RBFOX1: variants seen among roughly 807,000 people sequenced by gnomAD.
RBFOX1 encodes RNA binding protein fox-1 homolog 1.
A neutral mutation model predicts 57.7 loss-of-function variants in RBFOX1; 8 were observed. The observed-to-expected ratio is 0.14, with a 90% CI of 0.08 to 0.25. The LOEUF is 0.25. RBFOX1 is among the 10% of genes least tolerant of loss of function. RBFOX1 has a pLI of 1.00. For missense variants in RBFOX1, 611 were observed against 548.5 expected (o/e 1.11, Z -1.14); for synonymous variants, 326 against 222.4 (o/e 1.47, Z -4.15).
At position 6,767,471 on chromosome 16, in the gene RBFOX1, C is replaced by A. The variant is rs75945749; in HGVS notation, c.-16+112821C>A. ...TCCTGAGGTTTTTCACTTATGTGAA[C>A]GAATACATTTCTTTTTTTGCTTAAG... On this transcript the variant is annotated intron_variant, in intron 3 of 15. Coordinates refer to ENST00000550418, the MANE Select transcript of RBFOX1 (RefSeq NM_018723.4). Among the ~76,000 whole-genome samples the A allele has an allele frequency of 4.6e-3, 708 of 152,258 alleles. 5 individuals are homozygous for A. Among genetic ancestry groups the A allele is most frequent in the African/African-American group, 0.016 (680 of 41,546 alleles).
chr16:6,564,298 T>C (rs2097224563), intron 2 of RBFOX1, among the ~76,000 whole-genome samples: 1 of 152,110 alleles, frequency 6.6e-6, no homozygotes, highest in Non-Finnish European at 1.5e-5. Flanking sequence ...TGTGGCAGTA[T>C]TGGCTGGGCT....
intron 4 of RBFOX1, among the ~76,000 whole-genome samples, chr16:7,137,640 G>A (rs2072407050): frequency 6.6e-6 from 1 of 152,124 alleles, no homozygotes; most frequent in Non-Finnish European, 1.5e-5. Context: ...TAATACAAAA[G>A]GAAACTTAGA....
At chr16:6,889,645 C>T (rs2064958677) in intron 3 of RBFOX1, among the ~76,000 whole-genome samples, 1 of 152,118 alleles carries the variant, frequency 6.6e-6, no homozygotes, top group African/African-American at 2.4e-5. Flanking sequence ...GTAAGCCCAT[C>T]CTCAATCCAC....
At chr16:5,980,867 C>T (rs1567216537) in intron 4 of RBFOX1, among the ~76,000 whole-genome samples, 1 of 151,812 alleles carries the variant, frequency 6.6e-6, no homozygotes, top group Non-Finnish European at 1.5e-5. Context: ...GTCGTCCTGC[C>T]ATTTCACATG....
chr16:6,019,714 G>A lies in RBFOX1; in HGVS notation c.-405G>A, dbSNP rs114556800. The A allele has an allele frequency of 3.6e-6, 5 of 1,372,830 alleles. No individual in the cohort carries two copies. Among genetic ancestry groups the A allele is most frequent in the Non-Finnish European group, 4.7e-6 (5 of 1,063,322 alleles). The allele number at this position is 1,372,830 out of a possible 1,614,324, so 85.0% of individuals were successfully genotyped here. ...CTTCTTGCCCAGGCAGAGAGAGCAG[G>A]AGCGGACCGCGCGCCCGGGATTGAG... is the stretch of plus-strand genomic sequence containing the variant. On this transcript the variant is annotated 5_prime_UTR_variant, in exon 1 of 16. Coordinates refer to ENST00000550418, the MANE Select transcript of RBFOX1 (RefSeq NM_018723.4). The surrounding 1 kb of genome is among the most constrained non-coding windows in gnomAD (Gnocchi z 4.2).
chr16:7,102,289 A>G (rs906306015), intron 4 of RBFOX1, among the ~76,000 whole-genome samples: 2 of 152,208 alleles, frequency 1.3e-5, no homozygotes, highest in South Asian at 2.1e-4. Context: ...TTCTTTGTCT[A>G]TCCATAGACT....
At chr16:5,723,949 A>T (rs544812457) in intron 3 of RBFOX1, among the ~76,000 whole-genome samples, 3 of 152,280 alleles carry the variant, frequency 2.0e-5, no homozygotes, top group African/African-American at 7.2e-5. Flanking sequence ...TAAAAAACAG[A>T]CTCGGCTTTG....
chr16:7,271,210 C>T (rs1230093981), intron 4 of RBFOX1, among the ~76,000 whole-genome samples: 2 of 152,118 alleles, frequency 1.3e-5, no homozygotes, highest in African/African-American at 2.4e-5. Flanking sequence ...CTTGAGCATT[C>T]TGTCCCATGC....
intron 4 of RBFOX1, among the ~76,000 whole-genome samples, chr16:7,480,567 C>T (rs78937701): frequency 0.027 from 4,183 of 152,304 alleles, 172 homozygotes; most frequent in African/African-American, 0.094. Context: ...CAAGCCCTGT[C>T]TCCATCACCT....
intron 1 of RBFOX1, among the ~76,000 whole-genome samples, chr16:6,035,155 C>T (rs1009233348): frequency 1.8e-4 from 28 of 152,180 alleles, no homozygotes; most frequent in Admixed American, 3.9e-4. Flanking sequence ...AAGACGTCTC[C>T]AGATTTTGCC....
intron 4 of RBFOX1, among the ~76,000 whole-genome samples, chr16:7,218,853 C>T (rs1348308950): frequency 2.6e-5 from 4 of 152,008 alleles, no homozygotes; most frequent in African/African-American, 9.7e-5. Flanking sequence ...GGTGGACTTG[C>T]ACCTGACTCA....
intron 1 of RBFOX1, among the ~76,000 whole-genome samples, chr16:5,331,101 G>A (rs2064742608): frequency 6.6e-6 from 1 of 152,108 alleles, no homozygotes; most frequent in Non-Finnish European, 1.5e-5. Flanking sequence ...AGAGAGGGAG[G>A]TAAACCCACA....
intron 4 of RBFOX1, among the ~76,000 whole-genome samples, chr16:5,969,406 G>A (rs1246862203): frequency 1.4e-5 from 2 of 148,010 alleles, no homozygotes; most frequent in African/African-American, 5.0e-5. Flanking sequence ...CTGCCTTCTG[G>A]GTTCAAGCGA....
At chr16:7,388,701 T>A (rs1211938420) in intron 4 of RBFOX1, among the ~76,000 whole-genome samples, 1 of 151,464 alleles carries the variant, frequency 6.6e-6, no homozygotes, top group African/African-American at 2.4e-5. Context: ...CCTTTCTGTT[T>A]TTTCACATTT....
chr16:6,696,034 C>T (rs1248832611), intron 3 of RBFOX1, among the ~76,000 whole-genome samples: 7 of 152,116 alleles, frequency 4.6e-5, no homozygotes, highest in Admixed American at 3.3e-4. Context: ...CTGGCAAAGA[C>T]GTTTACCTTG....
chr16:5,993,196 A>G (rs889649104), intron 4 of RBFOX1, among the ~76,000 whole-genome samples: 7 of 152,200 alleles, frequency 4.6e-5, no homozygotes, highest in African/African-American at 1.4e-4. Context: ...GTAGCAACAC[A>G]TGGATGCAGG....
intron 3 of RBFOX1, among the ~76,000 whole-genome samples, chr16:5,696,206 C>G (rs1437185441): frequency 1.3e-5 from 2 of 152,184 alleles, no homozygotes; most frequent in African/African-American, 2.4e-5. Context: ...GCTGATGCCT[C>G]TGGGTACCTT....
At chr16:5,314,785 G>A (rs1374301261) in intron 1 of RBFOX1, among the ~76,000 whole-genome samples, 1 of 149,052 alleles carries the variant, frequency 6.7e-6, no homozygotes, top group African/African-American at 2.5e-5. Flanking sequence ...TGAGGCATGA[G>A]TCACCACACC....
chr16:5,777,884 A>G (rs971738665), intron 3 of RBFOX1, among the ~76,000 whole-genome samples: 2 of 152,202 alleles, frequency 1.3e-5, no homozygotes, highest in Non-Finnish European at 2.9e-5. Flanking sequence ...ATAAGTAGGC[A>G]TCTCTTCCAT....
Sources: allele counts gnomAD v4.1 joint callset (sites outside exome capture counted in the v4.1 genomes callset), GRCh38; gene constraint gnomAD v4.1.1; non-coding constraint Gnocchi (gnomAD v3.1); transcripts MANE v1.5; gene names NCBI Gene and HGNC (gene_info 2026-07-23, HGNC 2026-07-21).